ANKRD30A: variants seen among roughly 807,000 people sequenced by gnomAD.
ANKRD30A encodes the protein ankyrin repeat domain 30A, also known as ankyrin repeat domain-containing protein 30A.
Under a neutral mutation model 166.3 loss-of-function variants are expected in ANKRD30A, and 170 were observed. The ratio of observed to expected loss-of-function variants is 1.02; its 90% confidence interval spans 0.90 to 1.16. ANKRD30A has a LOEUF of 1.16. Among genes scored for constraint, ANKRD30A ranks in the 50% most tolerant of loss-of-function variants. The pLI is 0.00. For missense variants in ANKRD30A, 1,630 were observed against 1,518.0 expected (o/e 1.07, Z -1.23); for synonymous variants, 564 against 508.9 (o/e 1.11, Z -1.46).
chr10:37,150,793 T>G (rs1343565227), intron 11 of ANKRD30A, among the ~76,000 whole-genome samples: 2 of 152,132 alleles, frequency 1.3e-5, no homozygotes, highest in Non-Finnish European at 2.9e-5. Flanking sequence ...CATTCAGATT[T>G]CAGACTCTTT....
At position 37,227,481 on chromosome 10, in the gene ANKRD30A, A is replaced by G. The variant is rs115767428; in HGVS notation, c.4186-3980A>G. Among the ~76,000 whole-genome samples, 224 of 152,148 alleles carry G rather than the reference A, an allele frequency of 1.5e-3. 2 individuals are homozygous for G. The highest frequency in any genetic ancestry group is 5.2e-3 in the African/African-American group (217 of 41,554). On this transcript the variant is annotated intron_variant, in intron 34 of 35. Coordinates refer to ENST00000361713, the MANE Select transcript of ANKRD30A (RefSeq NM_052997.3). The stretch of plus-strand genomic sequence containing the variant: ...GTTTTTGGATTCTAAATTCTAAAAC[A>G]TTGATCTCTCTATTCTTATGCCAGT...
In ANKRD30A at chr10:37,145,055, G is replaced by T. The variant is rs200164455; in HGVS notation, c.1454G>T (p.Arg485Leu). ...GATGAAGAATATTCTTGTGATTCTCGGGTATTGTGTATTATTGATGTTATT... is the reference window on the plus strand; with the variant it reads ...GATGAAGAATATTCTTGTGATTCTCTGGTATTGTGTATTATTGATGTTATT... ...EEDEEYSCDSRSLFESSAKIQ... is the reference protein window; with the variant it reads ...EEDEEYSCDSLSLFESSAKIQ... Residue 485 changes from arginine to leucine, a missense_variant and splice_region_variant, in exon 8 of 36, where the codon CGG (arginine) becomes CTG (leucine). Arg to Leu is a moderately radical substitution (Grantham distance 102, BLOSUM62 -2). Coordinates refer to ENST00000361713, the MANE Select transcript of ANKRD30A (RefSeq NM_052997.3). The T allele has an allele frequency of 5.4e-3, 7,580 of 1,391,758 alleles. No homozygotes were observed. Among genetic ancestry groups the T allele is most frequent in the Middle Eastern group, 0.035 (163 of 4,622 alleles). The allele number at this position is 1,391,758 out of a possible 1,614,324, so 86.2% of individuals were successfully genotyped here.
At chr10:37,223,332 A>C (rs1148262) in intron 34 of ANKRD30A, among the ~76,000 whole-genome samples, 65,637 of 150,842 alleles carry the variant, frequency 0.44, 14,837 homozygotes, top group South Asian at 0.71. Context: ...AGAAAAAAAA[A>C]CTATAAAAGA....
chr10:37,154,331 G>T (rs892047655), intron 13 of ANKRD30A, among the ~76,000 whole-genome samples: 15 of 152,172 alleles, frequency 9.9e-5, no homozygotes, highest in African/African-American at 3.4e-4. Flanking sequence ...AATTCACACT[G>T]AGATTCAGCC....
At chr10:37,242,854 A>G in the ANKRD30A span, among the ~76,000 whole-genome samples, 1 of 152,250 alleles carries the variant, frequency 6.6e-6, no homozygotes, top group Non-Finnish European at 1.5e-5. Context: ...CCAGGTGGGC[A>G]TAAACTTACT....
At chr10:37,165,239 A>G in intron 18 of ANKRD30A, 84 bp downstream of exon 18, 9 of 1,285,292 alleles carry the variant, frequency 7.0e-6, no homozygotes, top group Non-Finnish European at 1.0e-5. Context: ...TTATTTTCTC[A>G]CCTCTGCATG....
Position 37,162,582 on chromosome 10 carries a change from G to A in ANKRD30A, c.1901-67G>A, listed in dbSNP as rs185676342. Reference sequence around the variant, plus strand: ...AGAGGAGTCAGTTAAATACTATCACGGCATTCATTTGTGGTTGGCTTGTCA... The same window carrying A: ...AGAGGAGTCAGTTAAATACTATCACAGCATTCATTTGTGGTTGGCTTGTCA... On this transcript the variant is annotated intron_variant, in intron 15 of 35. Transcript: ENST00000361713. 81 of 1,583,528 alleles carry A rather than the reference G, an allele frequency of 5.1e-5. 2 individuals carry two copies. The African/African-American group carries it at 7.0e-4, about 14-fold the overall frequency.
At chr10:37,262,247 TTCTC>T in the ANKRD30A span, among the ~76,000 whole-genome samples, 1 of 152,198 alleles carries the variant, frequency 6.6e-6, no homozygotes, top group East Asian at 1.9e-4. Context: ...CAGAAAGTCT[TTCTC>T]TACTATTTAT....
Position 37,136,606 on chromosome 10 carries a change from G to A in ANKRD30A, c.756-1G>A. 2 of 1,295,270 alleles carry A rather than the reference G, an allele frequency of 1.5e-6. No homozygotes were observed. The highest frequency in any genetic ancestry group is 2.2e-6 in the Non-Finnish European group (2 of 929,576). 80.2% of individuals were successfully genotyped at this position (1,295,270 alleles called of 1,614,324 possible). On this transcript the variant is annotated splice_acceptor_variant, in intron 5 of 35. Transcript: ENST00000361713. LOFTEE classifies it high-confidence loss of function. The stretch of plus-strand genomic sequence containing the variant: ...TTTATTTATCACATTTTTATACATA[G>A]CATTCATGAACAAATTATGGAATAT...
the ANKRD30A span, among the ~76,000 whole-genome samples, chr10:37,258,857 G>T: frequency 6.6e-6 from 1 of 151,110 alleles, no homozygotes. Context: ...CAGCTACTCG[G>T]GAGGCTGAGG....
At position 37,218,977 on chromosome 10, in the gene ANKRD30A, T is replaced by C. The variant is rs377080859; in HGVS notation, c.3268-3T>C. 2 of 1,560,110 alleles carry C rather than the reference T, an allele frequency of 1.3e-6. No homozygotes were observed. The highest frequency in any genetic ancestry group is 2.8e-5 in the African/African-American group (2 of 71,996). On this transcript the variant is annotated splice_polypyrimidine_tract_variant and splice_region_variant and intron_variant, in intron 33 of 35. Coordinates refer to ENST00000361713, the MANE Select transcript of ANKRD30A (RefSeq NM_052997.3). ...AGCTAAAAGTTTATTTTGTTTTATTTAGGTTTCTCACACTCATGAAAATGA... is the reference window on the plus strand; with the variant it reads ...AGCTAAAAGTTTATTTTGTTTTATTCAGGTTTCTCACACTCATGAAAATGA...
intron 15 of ANKRD30A, 69 bp from the exon 16 acceptor site, chr10:37,162,580 A>T (rs1159547508): frequency 1.8e-5 from 29 of 1,583,460 alleles, no homozygotes; most frequent in Admixed American, 1.5e-4. Context: ...AAATACTATC[A>T]CGGCATTCAT....
chr10:37,258,982 AAAAC>A, the ANKRD30A span, among the ~76,000 whole-genome samples: 3 of 151,160 alleles, frequency 2.0e-5, no homozygotes, highest in Non-Finnish European at 4.4e-5. Context: ...AAAAAAAAAA[AAAAC>A]AAGCTTCTAT....
At chr10:37,140,620 T>G (rs780312894) in intron 6 of ANKRD30A, among the ~76,000 whole-genome samples, 2 of 152,210 alleles carry the variant, frequency 1.3e-5, no homozygotes, top group African/African-American at 4.8e-5. Flanking sequence ...AATTAGGGTG[T>G]TAATAGTAAT....
At chr10:37,190,406 T>C (rs1267882916) in intron 25 of ANKRD30A, among the ~76,000 whole-genome samples, 2 of 151,718 alleles carry the variant, frequency 1.3e-5, no homozygotes, top group African/African-American at 2.4e-5. Context: ...ATCATGGTGC[T>C]CTTAATTTTG....
chr10:37,129,490 A>G (rs937663822), intron 1 of ANKRD30A, among the ~76,000 whole-genome samples: 4 of 152,166 alleles, frequency 2.6e-5, no homozygotes, highest in Non-Finnish European at 5.9e-5. Context: ...GAGCTGTTAC[A>G]TGTGCTAGGA....
chr10:37,197,824 G>C lies in ANKRD30A; in HGVS notation c.2716+344G>C, dbSNP rs541156244. 4.0e-5 allele frequency among the ~76,000 whole-genome samples: 6 copies of C among 151,880 alleles called. No homozygotes were observed. In the South Asian group the frequency reaches 1.2e-3, roughly 32 times the overall value. Reference sequence around the variant, plus strand: ...CTTCGAAGCTTGATTCAAATTCCACGGTTTATTTCGGGGATCCCATCTTTT... The same window carrying C: ...CTTCGAAGCTTGATTCAAATTCCACCGTTTATTTCGGGGATCCCATCTTTT... On this transcript the variant is annotated intron_variant, in intron 29 of 35. Coordinates refer to ENST00000361713, the MANE Select transcript of ANKRD30A (RefSeq NM_052997.3).
the ANKRD30A span, among the ~76,000 whole-genome samples, chr10:37,245,584 G>A: frequency 2.6e-5 from 4 of 151,678 alleles, no homozygotes; most frequent in Non-Finnish European, 5.9e-5. Flanking sequence ...TATGAGTTTT[G>A]CAGGACTGCA....
At position 37,216,234 on chromosome 10, in the gene ANKRD30A, A is replaced by G. The variant is rs770163996; in HGVS notation, c.2923A>G (p.Arg975Gly). 6.2e-7 allele frequency: 1 copy of G among 1,607,910 alleles called. No individual in the cohort carries two copies. Among genetic ancestry groups the G allele is most frequent in the South Asian group, 1.1e-5 (1 of 90,928 alleles). Residue 975 changes from arginine to glycine, a missense_variant, in exon 32 of 36, where the codon AGG (arginine) becomes GGG (glycine). By Grantham distance (125) the Arg-to-Gly change is moderately radical. This residue lies in a region of ANKRD30A where 712 missense variants were observed against 629.3 expected (regional missense o/e 1.13). Transcript: ENST00000361713. Reference protein sequence around the residue: ...LDTVHSCERARELQKDHCEQR... With the variant: ...LDTVHSCERAGELQKDHCEQR... ...TACAGTTCATTCTTGTGAAAGAGCA[A>G]GGGAACTTCAAAAAGATCACTGTGA...
Sources: allele counts gnomAD v4.1 joint callset (sites outside exome capture counted in the v4.1 genomes callset), GRCh38; gene constraint gnomAD v4.1.1; regional missense constraint gnomAD v4.1.1; transcripts MANE v1.5; gene names NCBI Gene and HGNC (gene_info 2026-07-23, HGNC 2026-07-21).